ITGBL1: variants seen among roughly 807,000 people sequenced by gnomAD.
ITGBL1 encodes integrin beta-like protein 1.
Under a neutral mutation model 68.5 loss-of-function variants are expected in ITGBL1, and 51 were observed. The observed-to-expected ratio is 0.74, with a 90% CI of 0.59 to 0.94. ITGBL1 has a LOEUF of 0.94. Among genes scored for constraint, ITGBL1 ranks in the 40% least tolerant of loss-of-function variants. The probability of loss-of-function intolerance (pLI) is 0.00; values close to 1 mark genes in which losing one functional copy is unlikely to be tolerated. For missense variants in ITGBL1, 649 were observed against 647.4 expected, an observed-to-expected ratio of 1.00 and a Z score of -0.03; for synonymous variants, 209 against 227.3, an observed-to-expected ratio of 0.92 and a Z score of 0.72.
chr13:101,688,781 T>G (rs559627422), intron 7 of ITGBL1, among the ~76,000 whole-genome samples: 1 of 152,346 alleles, frequency 6.6e-6, no homozygotes, highest in Non-Finnish European at 1.5e-5. Flanking sequence ...GAATATCTAT[T>G]CTGGGAGAGA....
intron 2 of ITGBL1, among the ~76,000 whole-genome samples, chr13:101,543,253 G>C (rs1402474205): frequency 6.6e-6 from 1 of 152,082 alleles, no homozygotes; most frequent in Non-Finnish European, 1.5e-5. Flanking sequence ...GGCAGGCCTG[G>C]TGGTGACAAA....
chr13:101,614,299 A>C (rs762447651), intron 7 of ITGBL1, among the ~76,000 whole-genome samples: 1 of 152,144 alleles, frequency 6.6e-6, no homozygotes, highest in African/African-American at 2.4e-5. Context: ...GGAGGAATGT[A>C]TTTAGCCACT....
intron 7 of ITGBL1, among the ~76,000 whole-genome samples, chr13:101,600,426 T>C (rs986453618): frequency 6.6e-6 from 1 of 152,218 alleles, no homozygotes; most frequent in Non-Finnish European, 1.5e-5. Context: ...GAATGCCGTT[T>C]ATTCCCTTCT....
chr13:101,461,171 A>G (rs2048312464), intron 2 of ITGBL1, among the ~76,000 whole-genome samples: 1 of 152,222 alleles, frequency 6.6e-6, no homozygotes, highest in Non-Finnish European at 1.5e-5. Flanking sequence ...ACATATGGAA[A>G]CAAATTTATT....
Position 101,575,413 on chromosome 13 carries a change from T to C in ITGBL1, c.464-11T>C. 1.2e-6 allele frequency: 2 copies of C among 1,608,386 alleles called. No homozygotes were observed. The highest frequency in any genetic ancestry group is 1.3e-5 in the African/African-American group (1 of 74,718). ...ATGTAACAAACAGTCTTTTTTGTTT[T>C]CATGGTTTAGGTACATGTCACTGTG... On this transcript the variant is annotated splice_polypyrimidine_tract_variant and intron_variant, in intron 3 of 10. Coordinates refer to ENST00000376180, the MANE Select transcript of ITGBL1 (RefSeq NM_004791.3).
chr13:101,495,948 A>G (rs1372833077), intron 2 of ITGBL1, among the ~76,000 whole-genome samples: 1 of 152,168 alleles, frequency 6.6e-6, no homozygotes, highest in East Asian at 1.9e-4. Context: ...ATATTTCATA[A>G]TATAGTGAAA....
intron 7 of ITGBL1, among the ~76,000 whole-genome samples, chr13:101,687,078 C>T (rs538728433): frequency 6.6e-6 from 1 of 152,050 alleles, no homozygotes; most frequent in African/African-American, 2.4e-5. Flanking sequence ...TAATGCTGGT[C>T]AAAATGTTTA....
intron 2 of ITGBL1, among the ~76,000 whole-genome samples, chr13:101,551,960 T>C (rs1264019495): frequency 1.3e-5 from 2 of 151,624 alleles, no homozygotes; most frequent in African/African-American, 4.9e-5. Flanking sequence ...TTGATGGGGG[T>C]GGTGAGTTTT....
intron 7 of ITGBL1, among the ~76,000 whole-genome samples, chr13:101,651,018 A>T (rs2032732673): frequency 6.6e-6 from 1 of 152,234 alleles, no homozygotes; most frequent in African/African-American, 2.4e-5. Flanking sequence ...TTCATGGTGT[A>T]TGTGTACCAC....
At chr13:101,480,441 A>G (rs1261454863) in intron 2 of ITGBL1, among the ~76,000 whole-genome samples, 1 of 151,940 alleles carries the variant, frequency 6.6e-6, no homozygotes, top group African/African-American at 2.4e-5. Context: ...TTTCCATTTG[A>G]TAACACAAAT....
At position 101,583,208 on chromosome 13, in the gene ITGBL1, C is replaced by T. The variant is rs1364112690; in HGVS notation, c.728-8C>T. 1 of 1,612,002 alleles carries T rather than the reference C, an allele frequency of 6.2e-7. No homozygotes were observed. The highest frequency in any genetic ancestry group is 8.5e-7 in the Non-Finnish European group (1 of 1,178,834). ...CTGGATTCTTATAAAATTCTTCTTC[C>T]CACCTAGGGACTTGTGTATGTGGTG... On this transcript the variant is annotated splice_polypyrimidine_tract_variant and splice_region_variant and intron_variant, in intron 5 of 10. Coordinates refer to ENST00000376180, the MANE Select transcript of ITGBL1 (RefSeq NM_004791.3).
intron 9 of ITGBL1, among the ~76,000 whole-genome samples, chr13:101,708,180 C>A (rs1360090949): frequency 6.6e-6 from 1 of 152,078 alleles, no homozygotes; most frequent in Non-Finnish European, 1.5e-5. Context: ...ACTTTAAAAT[C>A]CTGCCATTGT....
rs78651222 is a variant in ITGBL1, at chr13:101,463,508, T to C, written c.316+9408T>C. 2.0e-3 allele frequency among the ~76,000 whole-genome samples: 304 copies of C among 152,294 alleles called. 2 individuals are homozygous for C. The highest frequency in any genetic ancestry group is 7.0e-3 in the African/African-American group (290 of 41,570). The stretch of plus-strand genomic sequence containing the variant: ...GATCATAATTGATCTAATGGAATGC[T>C]CCAGAACCCTACCCTCAGAACTGTA... On this transcript the variant is annotated intron_variant, in intron 2 of 10. Coordinates refer to ENST00000376180, the MANE Select transcript of ITGBL1 (RefSeq NM_004791.3).
chr13:101,564,744 GTGTATATGTACATATA>G (rs1407918739), intron 2 of ITGBL1, among the ~76,000 whole-genome samples: 2 of 150,416 alleles, frequency 1.3e-5, no homozygotes, highest in African/African-American at 4.9e-5. Flanking sequence ...ATATATGTAT[GTGTATATGTACATATA>G]TGTATATGTA....
intron 2 of ITGBL1, among the ~76,000 whole-genome samples, chr13:101,546,475 AAAAGT>A (rs2049825913): frequency 6.6e-6 from 1 of 152,184 alleles, no homozygotes; most frequent in Non-Finnish European, 1.5e-5. Context: ...ATAAACCTAA[AAAAGT>A]AAAGAAAGAT....
At chr13:101,676,566 G>A (rs965862465) in intron 7 of ITGBL1, among the ~76,000 whole-genome samples, 6 of 152,020 alleles carry the variant, frequency 3.9e-5, no homozygotes, top group African/African-American at 9.7e-5. Flanking sequence ...AAATAGTTTC[G>A]GAAGTGACAA....
intron 7 of ITGBL1, among the ~76,000 whole-genome samples, chr13:101,675,884 T>G (rs1400482050): frequency 6.6e-6 from 1 of 152,192 alleles, no homozygotes; most frequent in Non-Finnish European, 1.5e-5. Context: ...CTGGGTATTT[T>G]CTACTATCCT....
Position 101,715,736 on chromosome 13 carries a change from C to A in ITGBL1, c.*82C>A. On this transcript the variant is annotated 3_prime_UTR_variant, in exon 11 of 11. Transcript: ENST00000376180. The stretch of plus-strand genomic sequence containing the variant: ...ATGCGAAGGAAACCATGTATATTCA[C>A]CACTAGGACAGGTTAAAAAGACCAT... 1.2e-6 allele frequency: 1 copy of A among 818,638 alleles called. No homozygotes were observed. Among genetic ancestry groups the A allele is most frequent in the Non-Finnish European group, 2.1e-6 (1 of 478,344 alleles). 50.7% of individuals were successfully genotyped at this position (818,638 alleles called of 1,614,324 possible). A position where few individuals can be genotyped will look rare whatever the true frequency, so the allele number is the denominator to read the frequency against.
intron 2 of ITGBL1, among the ~76,000 whole-genome samples, chr13:101,545,539 T>A (rs1457350450): frequency 6.6e-6 from 1 of 152,198 alleles, no homozygotes; most frequent in Non-Finnish European, 1.5e-5. Context: ...TGAAAATATG[T>A]ACACTTTTAT....
Sources: gnomAD v4.1 joint callset for allele counts (sites outside exome capture counted in the v4.1 genomes callset) on GRCh38, gnomAD v4.1.1 for gene constraint, MANE v1.5 for transcripts, NCBI Gene and HGNC (gene_info 2026-07-23, HGNC 2026-07-21) for gene names.